Variants in ATXN1 observed in about 807,000 individuals in gnomAD.
ATXN1 encodes the protein ataxin 1.
Under a neutral mutation model 56.4 loss-of-function variants are expected in ATXN1, and 8 were observed. That is an observed-to-expected ratio of 0.14 (90% confidence interval 0.08 to 0.26). ATXN1 has a LOEUF of 0.26. ATXN1 is among the 10% of genes least tolerant of loss of function. The pLI is 1.00. For synonymous variants in ATXN1, 514 were observed against 494.6 expected (o/e 1.04, Z -0.52); for missense variants, 987 against 1,106.5 (o/e 0.89, Z 1.53).
chr6:16,616,594 T>C (rs1023248551), intron 3 of ATXN1, among the ~76,000 whole-genome samples: 330 of 145,324 alleles, frequency 2.3e-3, no homozygotes, highest in Non-Finnish European at 4.1e-3. Flanking sequence ...TTATAATATA[T>C]TATATACTAT....
At chr6:16,428,802 C>T (rs754741688) in intron 6 of ATXN1, among the ~76,000 whole-genome samples, 3 of 152,104 alleles carry the variant, frequency 2.0e-5, no homozygotes, top group Admixed American at 1.3e-4. Context: ...CGACGTGATG[C>T]TTTCTCCTAA....
chr6:16,364,620 G>A (rs1347061616), intron 6 of ATXN1, among the ~76,000 whole-genome samples: 1 of 152,126 alleles, frequency 6.6e-6, no homozygotes, highest in Non-Finnish European at 1.5e-5. Flanking sequence ...GATATTTTGA[G>A]GTGGTAAGAA....
chr6:16,414,476 A>G (rs984688940), intron 6 of ATXN1, among the ~76,000 whole-genome samples: 1 of 152,210 alleles, frequency 6.6e-6, no homozygotes, highest in Non-Finnish European at 1.5e-5. Context: ...ATAATGAAAC[A>G]CTAATCCCCA....
chr6:16,505,480 C>T (rs527237705), intron 5 of ATXN1, among the ~76,000 whole-genome samples: 1 of 152,194 alleles, frequency 6.6e-6, no homozygotes, highest in South Asian at 2.1e-4. Context: ...CGCATATAAG[C>T]TTTATATGGA....
intron 6 of ATXN1, among the ~76,000 whole-genome samples, chr6:16,407,439 T>C (rs2113545652): frequency 6.6e-6 from 1 of 152,358 alleles, no homozygotes; most frequent in South Asian, 2.1e-4. Context: ...GATGACCTTC[T>C]CATAGTAAGG....
chr6:16,328,250 C>A lies in ATXN1; in HGVS notation c.61G>T (p.Ala21Ser). Reference sequence around the variant, plus strand: ...TTCTCCTCGGAGGACCGGCTGGTGGCGGGGATCTCGCGCTTCTTGGGAGGC... The same window carrying A: ...TTCTCCTCGGAGGACCGGCTGGTGGAGGGGATCTCGCGCTTCTTGGGAGGC... ...CLPPKKREIP[A>S]TSRSSEEKAP... is the part of the protein sequence containing the mutation. Residue 21 changes from alanine to serine, a missense_variant, in exon 7 of 8, where the codon GCC (alanine) becomes TCC (serine). Transcript: ENST00000436367. The surrounding 1 kb of genome is among the most constrained non-coding windows in gnomAD (Gnocchi z 6.2). The A allele has an allele frequency of 1.3e-6, 2 of 1,544,146 alleles. No homozygotes were observed. The highest frequency in any genetic ancestry group is 1.7e-6 in the Non-Finnish European group (2 of 1,147,054).
In ATXN1 at chr6:16,450,565, G is replaced by C. The variant is rs192947161; in HGVS notation, c.-161+35407C>G. Reference sequence around the variant, plus strand: ...AAAGCCAGCACGTTTATTATTAGCAGAGTAACTCTGAACTGACTCACTCCC... The same window carrying C: ...AAAGCCAGCACGTTTATTATTAGCACAGTAACTCTGAACTGACTCACTCCC... On this transcript the variant is annotated intron_variant, in intron 6 of 7. Coordinates refer to ENST00000436367, the MANE Select transcript of ATXN1 (RefSeq NM_001128164.2). 2.6e-5 allele frequency among the ~76,000 whole-genome samples: 4 copies of C among 152,296 alleles called. No individual in the cohort carries two copies. In the East Asian group the frequency reaches 5.8e-4, roughly 22 times the overall value.
At chr6:16,420,751 T>C (rs897797708) in intron 6 of ATXN1, among the ~76,000 whole-genome samples, 1 of 152,262 alleles carries the variant, frequency 6.6e-6, no homozygotes, top group Admixed American at 6.5e-5. Context: ...TGCCACTAGA[T>C]AGAATGACCC....
intron 2 of ATXN1, among the ~76,000 whole-genome samples, chr6:16,689,521 C>CTTTTTTTTTTTTTTTTT (rs11374047): frequency 2.9e-5 from 3 of 105,206 alleles, no homozygotes; most frequent in Non-Finnish European, 5.6e-5. Flanking sequence ...TTTTTTTTTT[C>CTTTTTTTTTTTTTTTTT]TTTTTTTTTT....
chr6:16,622,971 C>T (rs1192840852), intron 3 of ATXN1, among the ~76,000 whole-genome samples: 5 of 151,978 alleles, frequency 3.3e-5, no homozygotes, highest in Admixed American at 6.6e-5. Flanking sequence ...TTTTCTGCAA[C>T]GTAACTTTTT....
chr6:16,377,471 T>G (rs952630109), intron 6 of ATXN1, among the ~76,000 whole-genome samples: 1 of 152,178 alleles, frequency 6.6e-6, no homozygotes, highest in African/African-American at 2.4e-5. Context: ...GCTGTGCACC[T>G]TCATGGGTCA....
intron 6 of ATXN1, among the ~76,000 whole-genome samples, chr6:16,372,573 A>AG (rs1450689793): frequency 6.6e-6 from 1 of 152,206 alleles, no homozygotes; most frequent in African/African-American, 2.4e-5. Flanking sequence ...CCACATATAC[A>AG]ACCAGTTGAC....
At chr6:16,320,138 G>T (rs1199699633) in intron 7 of ATXN1, among the ~76,000 whole-genome samples, 1 of 152,148 alleles carries the variant, frequency 6.6e-6, no homozygotes, top group African/African-American at 2.4e-5. Flanking sequence ...TGTGCCGCCT[G>T]CATGAGGGCC....
chr6:16,606,976 TC>T (rs1447926013), intron 3 of ATXN1, among the ~76,000 whole-genome samples: 1 of 149,498 alleles, frequency 6.7e-6, no homozygotes, highest in Non-Finnish European at 1.5e-5. Flanking sequence ...AACCTCTGCC[TC>T]CCGGGTTCAA....
chr6:16,348,138 T>G (rs1026509120), intron 6 of ATXN1, among the ~76,000 whole-genome samples: 1 of 152,324 alleles, frequency 6.6e-6, no homozygotes, highest in Non-Finnish European at 1.5e-5. Flanking sequence ...AGCACAACCA[T>G]AGTTTACTGT....
At chr6:16,631,199 A>C (rs1763497898) in intron 3 of ATXN1, among the ~76,000 whole-genome samples, 1 of 152,194 alleles carries the variant, frequency 6.6e-6, no homozygotes. Flanking sequence ...AAGACGATAA[A>C]TTATGGAGGC....
At chr6:16,659,930 C>T (rs891115571) in intron 2 of ATXN1, among the ~76,000 whole-genome samples, 5 of 151,848 alleles carry the variant, frequency 3.3e-5, no homozygotes, top group African/African-American at 1.2e-4. Context: ...AAGGTTTATA[C>T]TATTCATACA....
At position 16,672,596 on chromosome 6, in the gene ATXN1, T is replaced by C. The variant is rs1431497875; in HGVS notation, c.-614-14695A>G. On this transcript the variant is annotated intron_variant, in intron 2 of 7. Coordinates refer to ENST00000436367, the MANE Select transcript of ATXN1 (RefSeq NM_001128164.2). ...ATGTAATCGCAAGGAAGTTTAAAAG[T>C]CTGAGAAGGAGGAAGAAGTGTCAGA... Among the ~76,000 whole-genome samples, 3 of 152,062 alleles carry C rather than the reference T, an allele frequency of 2.0e-5. No individual in the cohort carries two copies. In the East Asian group the frequency reaches 5.8e-4, roughly 29 times the overall value.
At chr6:16,715,134 A>G (rs916547547) in intron 2 of ATXN1, among the ~76,000 whole-genome samples, 2 of 152,244 alleles carry the variant, frequency 1.3e-5, no homozygotes, top group Admixed American at 6.5e-5. Context: ...CATCGTCCAC[A>G]CTGGGTCAAA....
Sources: gnomAD v4.1 joint callset for allele counts (sites outside exome capture counted in the v4.1 genomes callset) on GRCh38, gnomAD v4.1.1 for gene constraint, Gnocchi (gnomAD v3.1) non-coding constraint, MANE v1.5 for transcripts, NCBI Gene and HGNC (gene_info 2026-07-23, HGNC 2026-07-21) for gene names.